Variants in PCDHA13 observed in about 807,000 individuals in gnomAD.
PCDHA13 encodes the protein protocadherin alpha-13.
In PCDHA13, 54 loss-of-function variants were observed where a neutral mutation model predicts 64.8. The observed-to-expected ratio is 0.83, with a 90% CI of 0.67 to 1.04. PCDHA13 has a LOEUF of 1.04. PCDHA13 is among the 50% of genes least tolerant of loss of function. The pLI, the probability that PCDHA13 is intolerant of heterozygous loss-of-function variation, is 0.00. For missense variants in PCDHA13, 1,248 were observed against 1,254.3 expected (o/e 0.99, Z 0.08); for synonymous variants, 587 against 564.4 (o/e 1.04, Z -0.57).
At chr5:140,944,724 C>G (rs246064) in intron 1 of PCDHA13, among the ~76,000 whole-genome samples, 85,713 of 151,920 alleles carry the variant, frequency 0.56, 24,798 homozygotes, top group African/African-American at 0.69. Flanking sequence ...CTTTGAACAC[C>G]TTAGTAAGTC....
At chr5:140,910,874 A>T (rs1285814930) in intron 1 of PCDHA13, among the ~76,000 whole-genome samples, 2 of 151,996 alleles carry the variant, frequency 1.3e-5, no homozygotes, top group African/African-American at 4.8e-5. Flanking sequence ...ATTATCCCAC[A>T]CCCTTAATAT....
At chr5:140,902,504 C>G (rs2069506794) in intron 1 of PCDHA13, among the ~76,000 whole-genome samples, 1 of 151,984 alleles carries the variant, frequency 6.6e-6, no homozygotes, top group African/African-American at 2.4e-5. Context: ...AGCTGTGAGT[C>G]TGTCATATAT....
intron 1 of PCDHA13, chr5:140,929,117 T>C (rs1554206704): frequency 1.9e-6 from 3 of 1,614,160 alleles, no homozygotes; most frequent in African/African-American, 2.7e-5. Context: ...TCAGCCACCA[T>C]AGATGTCACT....
At chr5:140,934,013 A>G (rs2089566693) in intron 1 of PCDHA13, among the ~76,000 whole-genome samples, 1 of 151,836 alleles carries the variant, frequency 6.6e-6, no homozygotes. Context: ...TTTCTTGACT[A>G]GACTTGGAAG....
chr5:140,971,184 A>C (rs1431296656), intron 1 of PCDHA13, among the ~76,000 whole-genome samples: 1 of 152,188 alleles, frequency 6.6e-6, no homozygotes, highest in African/African-American at 2.4e-5. Context: ...TGTAAGCCGG[A>C]AGCTCAGAGG....
intron 1 of PCDHA13, among the ~76,000 whole-genome samples, chr5:140,899,871 T>G (rs76112838): frequency 0.014 from 2,117 of 152,008 alleles, 43 homozygotes; most frequent in African/African-American, 0.049. Context: ...GCAGTGGTAT[T>G]AACAGAACTC....
Position 140,942,409 on chromosome 5 carries a change from T to TA in PCDHA13, c.2395-36528dup, listed in dbSNP as rs78736997. On this transcript the variant is annotated intron_variant, in intron 1 of 3. Coordinates refer to ENST00000289272, the MANE Select transcript of PCDHA13 (RefSeq NM_018904.3). Reference sequence around the variant, plus strand: ...CCTGGGCGACAGATGAGACTCTGTTTAAAAAAAAAAAAGATATCTAACAAT... The same window carrying TA: ...CCTGGGCGACAGATGAGACTCTGTTTAAAAAAAAAAAAAGATATCTAACAAT... Among the ~76,000 whole-genome samples, 1,256 of 143,596 alleles carry TA rather than the reference T, an allele frequency of 8.7e-3. 8 individuals are homozygous for TA. Among genetic ancestry groups the TA allele is most frequent in the African/African-American group, 0.03 (1,168 of 39,342 alleles). 94.2% of individuals were successfully genotyped at this position (143,596 alleles called of 152,430 possible).
At chr5:140,939,119 C>A (rs1427966155) in intron 1 of PCDHA13, among the ~76,000 whole-genome samples, 9 of 152,170 alleles carry the variant, frequency 5.9e-5, no homozygotes, top group African/African-American at 1.7e-4. Flanking sequence ...TTTCACAATT[C>A]TGGAAGCTGG....
chr5:140,929,162 G>T (rs2153599635), intron 1 of PCDHA13: 4 of 1,614,060 alleles, frequency 2.5e-6, no homozygotes, highest in Non-Finnish European at 3.4e-6. Context: ...TATCTCTATC[G>T]GGCCTCTCTG....
At chr5:140,925,231 G>A (rs2082401450) in intron 1 of PCDHA13, among the ~76,000 whole-genome samples, 1 of 152,154 alleles carries the variant, frequency 6.6e-6, no homozygotes, top group Non-Finnish European at 1.5e-5. Flanking sequence ...GTTTCTACCA[G>A]AAAATATGTC....
At position 140,883,367 on chromosome 5, in the gene PCDHA13, G is replaced by A. The variant is rs782044159; in HGVS notation, c.1099G>A (p.Ala367Thr). Residue 367 changes from alanine to threonine, a missense_variant, in exon 1 of 4, where the codon GCC becomes ACC. Transcript: ENST00000289272. ...LPIREDTQPSAIIALISVSDR... is the reference protein window; with the variant it reads ...LPIREDTQPSTIIALISVSDR... ...CATCAGAGAAGACACTCAGCCTAGC[G>A]CCATTATTGCCCTAATCAGTGTGTC... 2 of 1,614,124 alleles carry A rather than the reference G, an allele frequency of 1.2e-6. No homozygotes were observed. The highest frequency in any genetic ancestry group is 2.2e-5 in the East Asian group (1 of 44,876).
chr5:140,995,901 A>C (rs2097702550), intron 3 of PCDHA13, among the ~76,000 whole-genome samples: 3 of 152,212 alleles, frequency 2.0e-5, no homozygotes, highest in Non-Finnish European at 1.5e-5. Flanking sequence ...CAATGTATAA[A>C]AGAGGAGAGA....
chr5:140,885,053 A>T (rs2060447405), intron 1 of PCDHA13, among the ~76,000 whole-genome samples: 1 of 152,248 alleles, frequency 6.6e-6, no homozygotes, highest in African/African-American at 2.4e-5. Flanking sequence ...ATGTATACAT[A>T]TACCCACAAG....
At chr5:140,932,028 G>A (rs1299372751) in intron 1 of PCDHA13, among the ~76,000 whole-genome samples, 1 of 151,864 alleles carries the variant, frequency 6.6e-6, no homozygotes, top group South Asian at 2.1e-4. Flanking sequence ...TAAGTTTACA[G>A]TATATATTAA....
chr5:140,941,462 C>T (rs1323217881), intron 1 of PCDHA13, among the ~76,000 whole-genome samples: 1 of 150,980 alleles, frequency 6.6e-6, no homozygotes, highest in Non-Finnish European at 1.5e-5. Context: ...ATTACAGGCG[C>T]CCACCACCAC....
chr5:140,910,171 T>C (rs186096076), intron 1 of PCDHA13, among the ~76,000 whole-genome samples: 22 of 152,340 alleles, frequency 1.4e-4, no homozygotes, highest in Admixed American at 1.2e-3. Flanking sequence ...TGATCCTCTG[T>C]TTTTATAATT....
At chr5:140,962,191 T>C (rs2095664022) in intron 1 of PCDHA13, among the ~76,000 whole-genome samples, 1 of 152,210 alleles carries the variant, frequency 6.6e-6, no homozygotes, top group African/African-American at 2.4e-5. Flanking sequence ...ATCACTTTTA[T>C]GCTTCCTATC....
chr5:140,947,539 C>G (rs144026826), intron 1 of PCDHA13, among the ~76,000 whole-genome samples: 3 of 151,678 alleles, frequency 2.0e-5, no homozygotes, highest in Admixed American at 2.0e-4. Context: ...TCAATTTCTA[C>G]AAAGAATTCC....
In PCDHA13 at chr5:140,882,201, C is replaced by T; in HGVS notation, c.-68C>T. The stretch of plus-strand genomic sequence containing the variant: ...CACTAGGAAGCCATAAAAATTGGGC[C>T]TTGAGAGACAGTTTGAGGTAAGGCG... On this transcript the variant is annotated 5_prime_UTR_variant, in exon 1 of 4. Coordinates refer to ENST00000289272, the MANE Select transcript of PCDHA13 (RefSeq NM_018904.3). 6.5e-7 allele frequency: 1 copy of T among 1,528,460 alleles called. No individual in the cohort carries two copies. The highest frequency in any genetic ancestry group is 8.8e-7 in the Non-Finnish European group (1 of 1,138,080). 94.7% of individuals were successfully genotyped at this position (1,528,460 alleles called of 1,614,324 possible).
Sources: gnomAD v4.1 joint callset for allele counts (sites outside exome capture counted in the v4.1 genomes callset) on GRCh38, gnomAD v4.1.1 for gene constraint, MANE v1.5 for transcripts, NCBI Gene and HGNC (gene_info 2026-07-23, HGNC 2026-07-21) for gene names.